The following TNRC18 variants were observed in gnomAD, a reference collection of about 807,000 sequenced individuals.
TNRC18 encodes the protein trinucleotide repeat-containing gene 18 protein.
A neutral mutation model predicts 226.7 loss-of-function variants in TNRC18; 69 were observed. The observed-to-expected ratio is 0.30, with a 90% confidence interval of 0.25 to 0.37. TNRC18 has a LOEUF of 0.37. Ranked by LOEUF, TNRC18 falls within the 10% of genes least tolerant of loss-of-function variation. The probability of loss-of-function intolerance (pLI) is 1.00; values close to 1 mark genes in which losing one functional copy is unlikely to be tolerated. For missense variants in TNRC18, 4,754 were observed against 4,256.6 expected, an observed-to-expected ratio of 1.12 and a Z score of -3.25; for synonymous variants, 2,449 against 1,927.6, an observed-to-expected ratio of 1.27 and a Z score of -7.09.
At position 5,388,107 on chromosome 7, in the gene TNRC18, G is replaced by A. The variant is rs1779946684; in HGVS notation, c.1717C>T (p.His573Tyr). Residue 573 changes from histidine to tyrosine, a missense_variant, in exon 5 of 30, where the codon CAC (histidine) becomes TAC (tyrosine). His to Tyr is a moderately conservative substitution (Grantham distance 83). Coordinates refer to ENST00000430969, the MANE Select transcript of TNRC18 (RefSeq NM_001080495.3). Reference sequence around the variant, plus strand: ...TCTCCAGACCCGTGGGCCGCAGAGTGCATGTCAGCGACCGGCCGGCCGCAG... The same window carrying A: ...TCTCCAGACCCGTGGGCCGCAGAGTACATGTCAGCGACCGGCCGGCCGCAG... Reference protein sequence around the residue: ...ATCGRPVADMHSAAHGSGEAS... With the variant: ...ATCGRPVADMYSAAHGSGEAS... 6.4e-7 allele frequency: 1 copy of A among 1,553,606 alleles called. No individual in the cohort carries two copies. The highest frequency in any genetic ancestry group is 1.2e-5 in the South Asian group (1 of 84,648).
chr7:5,383,644 C>T (rs1426537533), intron 5 of TNRC18, among the ~76,000 whole-genome samples: 1 of 152,216 alleles, frequency 6.6e-6, no homozygotes, highest in African/African-American at 2.4e-5. Context: ...CTGTCCTCAG[C>T]TGGGGGAACT....
chr7:5,329,760 T>A (rs948913672), intron 19 of TNRC18, among the ~76,000 whole-genome samples: 1 of 75,414 alleles, frequency 1.3e-5, no homozygotes, highest in Non-Finnish European at 2.8e-5. Flanking sequence ...GAGTTGGGCT[T>A]TGAACACTGG....
chr7:5,357,874 G>A (rs1211699138), intron 15 of TNRC18, among the ~76,000 whole-genome samples: 6 of 152,204 alleles, frequency 3.9e-5, no homozygotes, highest in Non-Finnish European at 2.9e-5. Flanking sequence ...GGTATGCAGT[G>A]ACCACAACGT....
intron 18 of TNRC18, among the ~76,000 whole-genome samples, chr7:5,339,229 C>CT (rs199794938): frequency 0.33 from 46,323 of 142,468 alleles, 8,402 homozygotes; most frequent in East Asian, 0.62. Context: ...CTTTTTTTTT[C>CT]TTTTTTTTTT....
At chr7:5,420,517 C>T (rs1281481682) in intron 2 of TNRC18, 2 of 448,136 alleles carry the variant, frequency 4.5e-6, no homozygotes, top group Admixed American at 2.4e-5. Flanking sequence ...GGCCAGGGTC[C>T]CAAGGCTGGG....
In TNRC18 at chr7:5,315,014, C is replaced by A; in HGVS notation, c.6997G>T (p.Gly2333Trp). The A allele has an allele frequency of 6.2e-7, 1 of 1,607,946 alleles. No homozygotes were observed. Among genetic ancestry groups the A allele is most frequent in the Non-Finnish European group, 8.5e-7 (1 of 1,177,944 alleles). The change falls in exon 26 of 30, where the codon GGG becomes TGG. Residue 2333 changes from glycine to tryptophan, a missense_variant. Coordinates refer to ENST00000430969, the MANE Select transcript of TNRC18 (RefSeq NM_001080495.3). ...TTGGCCTTGGCGCTGGGTTTCCGCC[C>A]ACGCCCACGGGCCTTGGCTCCTGGC... The part of the protein sequence containing the change: ...EEPGAKARGR[G>W]RKPSAKAKGD...
At chr7:5,409,361 A>T (rs1781692691) in intron 2 of TNRC18, among the ~76,000 whole-genome samples, 1 of 152,194 alleles carries the variant, frequency 6.6e-6, no homozygotes, top group African/African-American at 2.4e-5. Flanking sequence ...CTATTAAAAA[A>T]AAAAGCAAAC....
Position 5,367,004 on chromosome 7 carries a change from G to C in TNRC18, c.4219+3371C>G, listed in dbSNP as rs184588220. Among the ~76,000 whole-genome samples, 47 of 152,320 alleles carry C rather than the reference G, an allele frequency of 3.1e-4. No homozygotes were observed. In the East Asian group the frequency reaches 6.9e-3, roughly 23 times the overall value. ...GACCTCTGTGGGAGACAGGGCGTTT[G>C]CAGAGGTGGTCAAGTTCAAGTCATG... On this transcript the variant is annotated intron_variant, in intron 11 of 29. Transcript: ENST00000430969.
intron 24 of TNRC18, among the ~76,000 whole-genome samples, chr7:5,319,249 G>C (rs1054970578): frequency 2.6e-5 from 4 of 152,208 alleles, no homozygotes; most frequent in Admixed American, 1.3e-4. Context: ...CCACTCATCT[G>C]TTGTTTTGCT....
chr7:5,362,118 G>A, intron 12 of TNRC18, 85 bp from the exon 13 acceptor site: 1 of 1,519,442 alleles, frequency 6.6e-7, no homozygotes, highest in South Asian at 1.2e-5. Flanking sequence ...TGCCCCTGAG[G>A]AAGGGGAGAC....
At chr7:5,376,313 C>T in intron 8 of TNRC18, 89 bp from the exon 9 acceptor site, 4 of 1,154,206 alleles carry the variant, frequency 3.5e-6, no homozygotes, top group South Asian at 1.7e-5. Flanking sequence ...CAGAGAGGGG[C>T]CACACCCACA....
intron 2 of TNRC18, chr7:5,420,415 C>G (rs1268497321): frequency 4.4e-6 from 2 of 456,112 alleles, no homozygotes; most frequent in Non-Finnish European, 8.8e-6. Context: ...CAAGGGGTCC[C>G]CGAGGGCCGG....
chr7:5,416,276 A>G (rs903193554), intron 2 of TNRC18, among the ~76,000 whole-genome samples: 4 of 151,038 alleles, frequency 2.6e-5, no homozygotes, highest in Admixed American at 6.6e-5. Context: ...TTAGCCGGAC[A>G]TGGTGGCGGG....
At chr7:5,406,813 G>A (rs560547746) in intron 2 of TNRC18, among the ~76,000 whole-genome samples, 1 of 149,162 alleles carries the variant, frequency 6.7e-6, no homozygotes, top group South Asian at 2.1e-4. Context: ...ATTGTACCAC[G>A]GCACTCCAGC....
At chr7:5,345,527 C>A in intron 18 of TNRC18, 35 bp downstream of exon 18, 1 of 332,462 alleles carries the variant, frequency 3.0e-6, no homozygotes, top group Non-Finnish European at 4.9e-6. Context: ...GCCCCTCCCA[C>A]CCACCCCCAC....
intron 2 of TNRC18, chr7:5,420,264 T>A (rs1457492173): frequency 1.0e-5 from 4 of 389,624 alleles, no homozygotes; most frequent in African/African-American, 2.1e-5. Context: ...CTCCAGCAGC[T>A]CGATGTGAGA....
intron 17 of TNRC18, among the ~76,000 whole-genome samples, chr7:5,348,297 C>T (rs753016533): frequency 5.3e-5 from 8 of 152,296 alleles, no homozygotes; most frequent in Non-Finnish European, 5.9e-5. Context: ...ATCTGCCTCA[C>T]GGACCAGAGT....
At chr7:5,412,494 T>C (rs1781907732) in intron 2 of TNRC18, among the ~76,000 whole-genome samples, 1 of 151,896 alleles carries the variant, frequency 6.6e-6, no homozygotes, top group Non-Finnish European at 1.5e-5. Flanking sequence ...GAGAATCGCT[T>C]GAACCCGGGA....
chr7:5,345,202 G>A (rs1193148001), intron 18 of TNRC18, among the ~76,000 whole-genome samples: 3 of 152,254 alleles, frequency 2.0e-5, no homozygotes, highest in East Asian at 1.9e-4. Flanking sequence ...TCTCTCTCAC[G>A]GGCCAGACTG....
Sources: gnomAD v4.1 joint callset for allele counts (sites outside exome capture counted in the v4.1 genomes callset) on GRCh38, gnomAD v4.1.1 for gene constraint, MANE v1.5 for transcripts, NCBI Gene and HGNC (gene_info 2026-07-23, HGNC 2026-07-21) for gene names.